The following LRRTM4 variants were observed in gnomAD, a reference collection of about 807,000 sequenced individuals.
LRRTM4 encodes leucine-rich repeat transmembrane neuronal protein 4.
Under a neutral mutation model 47.6 loss-of-function variants are expected in LRRTM4, and 25 were observed. The ratio of observed to expected loss-of-function variants is 0.53; its 90% confidence interval spans 0.38 to 0.73. LRRTM4 has a LOEUF of 0.73. Among genes scored for constraint, LRRTM4 ranks in the 30% least tolerant of loss-of-function variants. LRRTM4 has a pLI of 0.00. For synonymous variants in LRRTM4, 311 were observed against 269.5 expected (o/e 1.15, Z -1.51); for missense variants, 638 against 713.4 (o/e 0.89, Z 1.20).
chr2:77,372,160 C>T (rs948585844), intron 3 of LRRTM4, among the ~76,000 whole-genome samples: 6 of 151,670 alleles, frequency 4.0e-5, no homozygotes, highest in Admixed American at 3.3e-4. Flanking sequence ...AGGAGGAAGA[C>T]ATTAGTTTTG....
intron 3 of LRRTM4, among the ~76,000 whole-genome samples, chr2:77,223,977 A>G (rs575363728): frequency 6.6e-6 from 1 of 152,234 alleles, no homozygotes; most frequent in East Asian, 1.9e-4. Flanking sequence ...AGGCTACAGT[A>G]ACCAAAACAG....
At chr2:77,218,107 G>A (rs570803982) in intron 3 of LRRTM4, among the ~76,000 whole-genome samples, 1 of 152,194 alleles carries the variant, frequency 6.6e-6, no homozygotes, top group East Asian at 1.9e-4. Context: ...CAATTCTTCT[G>A]CCTCAGCCTC....
At chr2:77,278,177 C>T (rs1289619369) in intron 3 of LRRTM4, among the ~76,000 whole-genome samples, 2 of 152,002 alleles carry the variant, frequency 1.3e-5, no homozygotes, top group Non-Finnish European at 1.5e-5. Flanking sequence ...TTCAGTCCTG[C>T]TCACCTTTAA....
chr2:76,909,067 G>T (rs541812795), intron 3 of LRRTM4, among the ~76,000 whole-genome samples: 16 of 151,276 alleles, frequency 1.1e-4, no homozygotes, highest in African/African-American at 1.7e-4. Context: ...CAAAGCTGGA[G>T]GCATCACACT....
intron 3 of LRRTM4, among the ~76,000 whole-genome samples, chr2:77,354,356 T>C (rs1458020908): frequency 6.6e-5 from 10 of 151,668 alleles, no homozygotes; most frequent in Admixed American, 3.9e-4. Flanking sequence ...AATTTTAGCA[T>C]GTATAAAAAT....
At chr2:77,239,696 G>A (rs955808328) in intron 3 of LRRTM4, among the ~76,000 whole-genome samples, 1 of 151,838 alleles carries the variant, frequency 6.6e-6, no homozygotes, top group African/African-American at 2.4e-5. Flanking sequence ...ATGACGAAGA[G>A]TTCAATCCAT....
chr2:77,132,419 T>C (rs1671826103), intron 3 of LRRTM4, among the ~76,000 whole-genome samples: 2 of 152,230 alleles, frequency 1.3e-5, no homozygotes, highest in Admixed American at 1.3e-4. Flanking sequence ...GTTGGTTCCA[T>C]ATTTTTGCCA....
chr2:77,015,028 T>C (rs1010158103), intron 3 of LRRTM4, among the ~76,000 whole-genome samples: 4 of 152,150 alleles, frequency 2.6e-5, no homozygotes, highest in Admixed American at 6.5e-5. Context: ...TTAAACTCCA[T>C]AGTCAGTTGA....
intron 3 of LRRTM4, among the ~76,000 whole-genome samples, chr2:77,453,458 G>A (rs1676344652): frequency 1.3e-5 from 2 of 152,080 alleles, no homozygotes. Context: ...GGGATTACAG[G>A]CGTGAGCTAC....
At chr2:77,142,252 C>T (rs1672143972) in intron 3 of LRRTM4, among the ~76,000 whole-genome samples, 1 of 152,054 alleles carries the variant, frequency 6.6e-6, no homozygotes, top group African/African-American at 2.4e-5. Flanking sequence ...CCTTGTTCAC[C>T]ACAAAGATTT....
At chr2:77,294,910 C>T (rs1017676026) in intron 3 of LRRTM4, among the ~76,000 whole-genome samples, 1 of 151,954 alleles carries the variant, frequency 6.6e-6, no homozygotes, top group African/African-American at 2.4e-5. Flanking sequence ...AAAATCTAAA[C>T]AGTATATATG....
At chr2:77,287,287 C>G (rs1676692577) in intron 3 of LRRTM4, among the ~76,000 whole-genome samples, 1 of 151,872 alleles carries the variant, frequency 6.6e-6, no homozygotes, top group Non-Finnish European at 1.5e-5. Context: ...GAGAATGGAG[C>G]AAGGCATGGG....
chr2:76,796,475 T>A (rs1013457951), intron 3 of LRRTM4, among the ~76,000 whole-genome samples: 3 of 132,980 alleles, frequency 2.3e-5, no homozygotes, highest in African/African-American at 8.8e-5. Context: ...GATCTGAGAA[T>A]GGGCAGACTG....
chr2:76,928,886 A>G (rs762654721), intron 3 of LRRTM4, among the ~76,000 whole-genome samples: 1 of 152,130 alleles, frequency 6.6e-6, no homozygotes, highest in Non-Finnish European at 1.5e-5. Flanking sequence ...ATATTAATAT[A>G]TTTCCTGTGA....
At chr2:77,173,102 G>T (rs10200491) in intron 3 of LRRTM4, among the ~76,000 whole-genome samples, 1 of 152,090 alleles carries the variant, frequency 6.6e-6, no homozygotes, top group East Asian at 1.9e-4. Flanking sequence ...AGGAAGATAC[G>T]ATCTTGATTA....
At chr2:77,396,402 T>C (rs1673705721) in intron 3 of LRRTM4, among the ~76,000 whole-genome samples, 1 of 151,930 alleles carries the variant, frequency 6.6e-6, no homozygotes, top group Non-Finnish European at 1.5e-5. Flanking sequence ...CTAAGGTTTT[T>C]ACAGGTAGGA....
Position 77,064,108 on chromosome 2 carries a change from A to C in LRRTM4, c.1552-315192T>G, listed in dbSNP as rs148421911. 2.0e-3 allele frequency among the ~76,000 whole-genome samples: 298 copies of C among 152,340 alleles called. 4 individuals carry two copies. The highest frequency in any genetic ancestry group is 6.9e-3 in the African/African-American group (288 of 41,576). ...AAATGTAACTATGCAACATGGAAAC[A>C]TAATTTAAAAGAAATTTATTGGGGG... On this transcript the variant is annotated intron_variant, in intron 3 of 3. Transcript: ENST00000409884.
At chr2:76,937,459 G>C (rs1426161392) in intron 3 of LRRTM4, among the ~76,000 whole-genome samples, 1 of 152,104 alleles carries the variant, frequency 6.6e-6, no homozygotes, top group African/African-American at 2.4e-5. Flanking sequence ...AAGAGAACTT[G>C]CTCATCTTTT....
chr2:76,788,138 G>C (rs1484078675), intron 3 of LRRTM4, among the ~76,000 whole-genome samples: 1 of 152,132 alleles, frequency 6.6e-6, no homozygotes. Flanking sequence ...ACTGAAGAAG[G>C]TCAGTCTGTA....
Sources: gnomAD v4.1 joint callset for allele counts (sites outside exome capture counted in the v4.1 genomes callset) on GRCh38, gnomAD v4.1.1 for gene constraint, MANE v1.5 for transcripts, NCBI Gene and HGNC (gene_info 2026-07-23, HGNC 2026-07-21) for gene names.